Variants in CHD1L observed in about 807,000 individuals in gnomAD.
CHD1L encodes the protein chromodomain helicase DNA binding protein 1 like, also known as ATP-dependent chromatin remodeler CHD1L.
In CHD1L, 118 loss-of-function variants were observed where a neutral mutation model predicts 115.9. That is an observed-to-expected ratio of 1.02 (90% CI 0.88 to 1.19). CHD1L has a LOEUF of 1.19. Among genes scored for constraint, CHD1L ranks in the 50% most tolerant of loss-of-function variants. The probability of loss-of-function intolerance (pLI) is 0.00; values close to 1 mark genes in which losing one functional copy is unlikely to be tolerated. For synonymous variants in CHD1L, 411 were observed against 387.1 expected (o/e 1.06, Z -0.72); for missense variants, 1,179 against 1,065.3 (o/e 1.11, Z -1.49).
the CHD1L span, chr1:147,210,721 AGTGTTTTTGTAAAAG>A: frequency 6.6e-6 from 1 of 152,184 alleles, no homozygotes; most frequent in African/African-American, 2.4e-5. Flanking sequence ...ATAATTAAGC[AGTGTTTTTGTAAAAG>A]GTGTGGTATA....
intron 12 of CHD1L, among the ~76,000 whole-genome samples, chr1:147,274,140 C>T (rs186835992): frequency 3.3e-5 from 5 of 152,280 alleles, no homozygotes; most frequent in Admixed American, 1.3e-4. Context: ...GCTCTTTCAC[C>T]TTCTAGGCTT....
intron 14 of CHD1L, among the ~76,000 whole-genome samples, chr1:147,277,917 G>T (rs1679149043): frequency 6.6e-6 from 1 of 152,076 alleles, no homozygotes; most frequent in Non-Finnish European, 1.5e-5. Context: ...GGAGCGCCAG[G>T]GGTCCAATGA....
Position 147,287,576 on chromosome 1 carries a change from C to G in CHD1L, c.2222-59C>G, listed in dbSNP as rs587656721. ...GTCCCTTTTGTGTGCCTTTGTTTTTCTAAATTGTGCACTGGACTTCACCTC... is the reference window on the plus strand; with the variant it reads ...GTCCCTTTTGTGTGCCTTTGTTTTTGTAAATTGTGCACTGGACTTCACCTC... On this transcript the variant is annotated intron_variant, in intron 18 of 22. Coordinates refer to ENST00000369258, the MANE Select transcript of CHD1L (RefSeq NM_004284.6). The G allele has an allele frequency of 1.1e-3, 1,349 of 1,266,566 alleles. 3 individuals are homozygous for G. The highest frequency in any genetic ancestry group is 1.4e-3 in the Non-Finnish European group (1,296 of 898,084). The allele number at this position is 1,266,566 out of a possible 1,614,324, so 78.5% of individuals were successfully genotyped here. A position where few individuals can be genotyped will look rare whatever the true frequency, so the allele number is the denominator to read the frequency against.
At chr1:147,224,621 T>A in the CHD1L span, among the ~76,000 whole-genome samples, 1 of 152,088 alleles carries the variant, frequency 6.6e-6, no homozygotes. Context: ...CCCATCCTCC[T>A]GCCTTAGCCT....
chr1:147,286,177 GGTGA>G (rs1225197749), intron 17 of CHD1L, 117 bp from the exon 18 acceptor site: 6 of 925,314 alleles, frequency 6.5e-6, no homozygotes, highest in Middle Eastern at 3.3e-4. Flanking sequence ...CTTCAATCAG[GGTGA>G]GTTTCTAATT....
chr1:147,233,571 G>A, the CHD1L span, among the ~76,000 whole-genome samples: 2 of 152,062 alleles, frequency 1.3e-5, no homozygotes, highest in African/African-American at 2.4e-5. Context: ...CCCTCTGCCC[G>A]GCCACCACCC....
chr1:147,229,350 T>C, the CHD1L span, among the ~76,000 whole-genome samples: 16 of 152,262 alleles, frequency 1.1e-4, no homozygotes, highest in East Asian at 3.1e-3. Context: ...AGGGCTCTGT[T>C]CTGTTCCATT....
chr1:147,203,390 C>T, the CHD1L span: 16 of 1,029,146 alleles, frequency 1.6e-5, no homozygotes, highest in Admixed American at 1.2e-4. Context: ...GCATTAGCAG[C>T]GAGTTTGATA....
chr1:147,217,155 G>T, the CHD1L span, among the ~76,000 whole-genome samples: 1 of 151,990 alleles, frequency 6.6e-6, no homozygotes, highest in Non-Finnish European at 1.5e-5. Context: ...CAGGAGAATC[G>T]CTTGAACCCG....
the CHD1L span, chr1:147,212,415 T>C: frequency 6.2e-7 from 1 of 1,614,076 alleles, no homozygotes; most frequent in Non-Finnish European, 8.5e-7. Flanking sequence ...TTGGCTAATC[T>C]CTACAGCCAG....
At chr1:147,259,999 C>G in intron 6 of CHD1L, 81 bp downstream of exon 6, 2 of 1,130,076 alleles carry the variant, frequency 1.8e-6, no homozygotes, top group Non-Finnish European at 2.6e-6. Context: ...ATTTTAGATT[C>G]ACAACAAAAT....
At position 147,265,955 on chromosome 1, in the gene CHD1L, C is replaced by T. The variant is rs782344210; in HGVS notation, c.763C>T (p.Gln255Ter). 2.4e-5 allele frequency: 39 copies of T among 1,612,624 alleles called. No homozygotes were observed. The East Asian group carries it at 6.0e-4, about 25-fold the overall frequency. Residue 255 changes from glutamine (Q) to a stop codon, truncating the protein, a stop_gained, in exon 8 of 23, where the codon CAG becomes TAG. Coordinates refer to ENST00000369258, the MANE Select transcript of CHD1L (RefSeq NM_004284.6). LOFTEE classifies it high-confidence loss of function. ...AGCAAGTGAACTGCACAAACTCTTG[C>T]AGCCATTTCTGCTGAGGCGAGTGAA... is the stretch of plus-strand genomic sequence containing the variant. The part of the protein sequence containing the change: ...ESASELHKLL[Q>*]PFLLRRVKAE...
chr1:147,179,041 G>A, the CHD1L span: 1 of 1,613,596 alleles, frequency 6.2e-7, no homozygotes, highest in Non-Finnish European at 8.5e-7. Flanking sequence ...CTTTAGCCAT[G>A]AACTTTCTGA....
At chr1:147,182,812 A>G in the CHD1L span, among the ~76,000 whole-genome samples, 1 of 152,202 alleles carries the variant, frequency 6.6e-6, no homozygotes, top group African/African-American at 2.4e-5. Context: ...TCTTGTACCA[A>G]GATCTTGGCT....
intron 6 of CHD1L, among the ~76,000 whole-genome samples, chr1:147,263,473 T>C (rs1672721054): frequency 1.3e-5 from 2 of 151,932 alleles, no homozygotes; most frequent in Middle Eastern, 6.8e-3. Context: ...TGTCAAGATA[T>C]GGCTTCCTCA....
At chr1:147,273,937 C>T (rs1553955463) in intron 12 of CHD1L, among the ~76,000 whole-genome samples, 1 of 152,204 alleles carries the variant, frequency 6.6e-6, no homozygotes, top group African/African-American at 2.4e-5. Flanking sequence ...GAATATGTTC[C>T]TATTCATGGA....
intron 10 of CHD1L, 26 bp from the exon 11 acceptor site, chr1:147,270,906 G>A: frequency 6.2e-7 from 1 of 1,606,066 alleles, no homozygotes; most frequent in African/African-American, 1.3e-5. Context: ...AGACTTGGCA[G>A]TGTTTCCTTT....
chr1:147,236,920 G>C, the CHD1L span, among the ~76,000 whole-genome samples: 1 of 152,206 alleles, frequency 6.6e-6, no homozygotes, highest in African/African-American at 2.4e-5. Context: ...TCCCCAGCTT[G>C]AGGGTAGGTC....
the CHD1L span, among the ~76,000 whole-genome samples, chr1:147,181,070 G>A: frequency 3.3e-5 from 5 of 152,142 alleles, no homozygotes; most frequent in East Asian, 5.8e-4. Flanking sequence ...ATAATGCTTC[G>A]CCATACCTAA....
Sources: gnomAD v4.1 joint callset for allele counts (sites outside exome capture counted in the v4.1 genomes callset) on GRCh38, gnomAD v4.1.1 for gene constraint, MANE v1.5 for transcripts, NCBI Gene and HGNC (gene_info 2026-07-23, HGNC 2026-07-21) for gene names.